Variants in EHMT2 observed in about 807,000 individuals in gnomAD.
EHMT2 encodes the protein euchromatic histone lysine methyltransferase 2.
EHMT2 carries 59 observed loss-of-function variants against 143.3 expected under a neutral mutation model. The ratio of observed to expected loss-of-function variants is 0.41; its 90% CI spans 0.33 to 0.51. The LOEUF is 0.51. EHMT2 is among the 20% of genes least tolerant of loss of function. The probability of loss-of-function intolerance (pLI) is 0.18; values close to 1 mark genes in which losing one functional copy is unlikely to be tolerated. For synonymous variants in EHMT2, 604 were observed against 651.5 expected, an observed-to-expected ratio of 0.93 and a Z score of 1.11; for missense variants, 1,174 against 1,645.9, an observed-to-expected ratio of 0.71 and a Z score of 4.96.
chr6:31,888,901 T>C lies in EHMT2; in HGVS notation c.1216+68A>G, dbSNP rs745928745. ...CACCCCGGCTCTGGCGTGGTTCCCCTCCTTCCCTTTCCCTCCTGCCCTGAG... is the reference window on the plus strand; with the variant it reads ...CACCCCGGCTCTGGCGTGGTTCCCCCCCTTCCCTTTCCCTCCTGCCCTGAG... On this transcript the variant is annotated intron_variant, in intron 10 of 27. Coordinates refer to ENST00000375537, the Ensembl canonical transcript of EHMT2. This position sits in a 1 kb window ranked among gnomAD's most constrained non-coding sequence, Gnocchi z 7.4. 31 of 1,505,004 alleles carry C rather than the reference T, an allele frequency of 2.1e-5. No homozygotes were observed. The South Asian group carries it at 3.6e-4, about 17-fold the overall frequency. The allele number at this position is 1,505,004 out of a possible 1,614,324, so 93.2% of individuals were successfully genotyped here. A position where few individuals can be genotyped will look rare whatever the true frequency, so the allele number is the denominator to read the frequency against.
intron 18 of EHMT2, chr6:31,886,086 CAA>C (rs35648327): frequency 6.7e-4 from 69 of 102,454 alleles, no homozygotes; most frequent in Admixed American, 1.3e-3. Flanking sequence ...GACTCCGTCT[CAA>C]AAAAAAAAAA....
chr6:31,884,432 C>A lies in EHMT2; in HGVS notation c.2731G>T (p.Val911Leu). 1 of 1,612,788 alleles carries A rather than the reference C, an allele frequency of 6.2e-7. No homozygotes were observed. Among genetic ancestry groups the A allele is most frequent in the Non-Finnish European group, 8.5e-7 (1 of 1,179,996 alleles). ...TCTGTGCGGATGGCCCGATTTCCCACCCCAAGTCGGAGCTTGCGGTTGAGT... is the reference window on the plus strand; with the variant it reads ...TCTGTGCGGATGGCCCGATTTCCCAACCCAAGTCGGAGCTTGCGGTTGAGT... The change falls in exon 21 of 28, where the codon GTG (valine) becomes TTG (leucine). Residue 911 changes from valine (V) to leucine (L), a missense_variant. Around this residue, in one of 6 missense-constraint regions of EHMT2, gnomAD observed 608 missense variants for 903.7 expected, o/e 0.67. Transcript: ENST00000375537. This position sits in a 1 kb window ranked among gnomAD's most constrained non-coding sequence, Gnocchi z 7.3.
In EHMT2 at chr6:31,889,819, T is replaced by G. The variant is rs986992907; in HGVS notation, c.865-217A>C. ...TACAGACAGCAATGTGCACAGATCT[T>G]GGTAATGTGATATTAAGTTAAAAAA... is the stretch of plus-strand genomic sequence containing the variant. On this transcript the variant is annotated intron_variant, in intron 7 of 27. Transcript: ENST00000375537. The surrounding 1 kb of genome is among the most constrained non-coding windows in gnomAD (Gnocchi z 5.1). Among the ~76,000 whole-genome samples, 1 of 152,118 alleles carries G rather than the reference T, an allele frequency of 6.6e-6. No individual in the cohort carries two copies. The highest frequency in any genetic ancestry group is 2.4e-5 in the African/African-American group (1 of 41,382).
Position 31,884,831 on chromosome 6 carries a change from C to T in EHMT2, c.2449-32G>A. The T allele has an allele frequency of 6.3e-7, 1 of 1,581,236 alleles. No homozygotes were observed. Among genetic ancestry groups the T allele is most frequent in the Non-Finnish European group, 8.6e-7 (1 of 1,159,128 alleles). ...AGGTAGGAGGGGAACAGATGAGGTG[C>T]AGGCAGCTGGGCCCTTGAATCCAGC... On this transcript the variant is annotated intron_variant, in intron 19 of 27. Coordinates refer to ENST00000375537, the Ensembl canonical transcript of EHMT2. This position sits in a 1 kb window ranked among gnomAD's most constrained non-coding sequence, Gnocchi z 7.3.
chr6:31,888,919 G>T lies in EHMT2; in HGVS notation c.1216+50C>A. 1.3e-6 allele frequency: 2 copies of T among 1,541,336 alleles called. No individual in the cohort carries two copies. The highest frequency in any genetic ancestry group is 1.8e-6 in the Non-Finnish European group (2 of 1,134,158). On this transcript the variant is annotated intron_variant, in intron 10 of 27. Transcript: ENST00000375537. The surrounding 1 kb of genome is among the most constrained non-coding windows in gnomAD (Gnocchi z 7.4). ...GTTCCCCTCCTTCCCTTTCCCTCCT[G>T]CCCTGAGGTCGCCCCCTAGTGGCTC...
Position 31,888,756 on chromosome 6 carries a change from G to C in EHMT2, c.1217-9C>G, listed in dbSNP as rs781086689. Reference sequence around the variant, plus strand: ...TGTGTCATTGGACACCCCTTGGATGGAGGAAAAGAGGAGCTGAGGGAGGCT... The same window carrying C: ...TGTGTCATTGGACACCCCTTGGATGCAGGAAAAGAGGAGCTGAGGGAGGCT... On this transcript the variant is annotated splice_polypyrimidine_tract_variant and intron_variant, in intron 10 of 27. Transcript: ENST00000375537. The surrounding 1 kb of genome is among the most constrained non-coding windows in gnomAD (Gnocchi z 7.4). The C allele has an allele frequency of 5.0e-6, 8 of 1,611,744 alleles. No homozygotes were observed. The highest frequency in any genetic ancestry group is 6.8e-6 in the Non-Finnish European group (8 of 1,179,864).
chr6:31,896,520 GA>G lies in EHMT2; in HGVS notation c.329-5del, dbSNP rs758841949. On this transcript the variant is annotated splice_region_variant and splice_polypyrimidine_tract_variant and intron_variant, in intron 3 of 27. Coordinates refer to ENST00000375537, the Ensembl canonical transcript of EHMT2. The stretch of plus-strand genomic sequence containing the variant: ...GGGAATGACTTTGTGGCATGGCCTA[GA>G]AAACAGGCAAGCAAAAGGCAAGATA... The G allele has an allele frequency of 4.3e-6, 7 of 1,612,250 alleles. No homozygotes were observed. The Admixed American group carries it at 5.0e-5, about 12-fold the overall frequency.
At position 31,881,214 on chromosome 6, in the gene EHMT2, A is replaced by T. The variant is rs747722503; in HGVS notation, c.3198-122T>A. ...TGGGCAGGGCTGGCAGGTGTGGGGA[A>T]GGGAAGGCCTGGAGCAGCAGTGGTG... On this transcript the variant is annotated intron_variant, in intron 25 of 27. Coordinates refer to ENST00000375537, the Ensembl canonical transcript of EHMT2. This position sits in a 1 kb window ranked among gnomAD's most constrained non-coding sequence, Gnocchi z 4.8. 27 of 861,844 alleles carry T rather than the reference A, an allele frequency of 3.1e-5. No homozygotes were observed. Among genetic ancestry groups the T allele is most frequent in the Non-Finnish European group, 4.7e-5 (24 of 515,974 alleles). The allele number at this position is 861,844 out of a possible 1,614,324, so 53.4% of individuals were successfully genotyped here. A position where few individuals can be genotyped will look rare whatever the true frequency, so the allele number is the denominator to read the frequency against.
Position 31,887,117 on chromosome 6 carries a change from G to C in EHMT2, c.2012-16C>G, listed in dbSNP as rs745548037. On this transcript the variant is annotated splice_polypyrimidine_tract_variant and intron_variant, in intron 15 of 27. Coordinates refer to ENST00000375537, the Ensembl canonical transcript of EHMT2. ...AGGTTGTCCACTGCGGGGAGAGCCCGCCACACCGGGAGAGGGAGGGACAAG... is the reference window on the plus strand; with the variant it reads ...AGGTTGTCCACTGCGGGGAGAGCCCCCCACACCGGGAGAGGGAGGGACAAG... 6.3e-7 allele frequency: 1 copy of C among 1,583,022 alleles called. No homozygotes were observed. Among genetic ancestry groups the C allele is most frequent in the East Asian group, 2.3e-5 (1 of 44,394 alleles).
chr6:31,890,556 A>G (rs1765551911), intron 7 of EHMT2, among the ~76,000 whole-genome samples: 1 of 148,190 alleles, frequency 6.7e-6, no homozygotes, highest in Non-Finnish European at 1.5e-5. Context: ...TGGGCCAAAA[A>G]ATTTTTTTTT....
At chr6:31,885,253 G>A (rs951996473) in intron 18 of EHMT2, 2 of 452,574 alleles carry the variant, frequency 4.4e-6, no homozygotes, top group African/African-American at 2.0e-5. Flanking sequence ...CGAGGCGGGC[G>A]GATCACGAGG....
rs938678577 is a variant in EHMT2, at chr6:31,879,956, G to C, written c.*128C>G. The C allele has an allele frequency of 3.6e-6, 4 of 1,101,060 alleles. No individual in the cohort carries two copies. The African/African-American group carries it at 4.6e-5, about 13-fold the overall frequency. The allele number at this position is 1,101,060 out of a possible 1,614,324, so 68.2% of individuals were successfully genotyped here. ...GGGCCTGGCTGGGATCTCTGGTCAG[G>C]AATGTGTGAAAGGGTGGTGGGGAGA... On this transcript the variant is annotated 3_prime_UTR_variant, in exon 28 of 28. Coordinates refer to ENST00000375537, the Ensembl canonical transcript of EHMT2.
chr6:31,887,888 C>T, exon 14 of EHMT2: 2 of 1,611,370 alleles, frequency 1.2e-6, no homozygotes, highest in Non-Finnish European at 1.7e-6. Context: ...AGGGAGGGCC[C>T]TGAGCTGTCA....
chr6:31,888,222 C>A lies in EHMT2; in HGVS notation c.1564G>T (p.Ala522Ser). ...ATCCCATTCAGCTGAGACACACAGG[C>A]CTTGTGGAAGCGGTGGGCCACACGG... is the stretch of plus-strand genomic sequence containing the variant. Residue 522 changes from alanine (A) to serine (S), a missense_variant, in exon 13 of 28, where the codon GCC (alanine) becomes TCC (serine). Transcript: ENST00000375537. The surrounding 1 kb of genome is among the most constrained non-coding windows in gnomAD (Gnocchi z 7.4). 6.2e-7 allele frequency: 1 copy of A among 1,613,012 alleles called. No individual in the cohort carries two copies.
In EHMT2 at chr6:31,884,238, G is replaced by T; in HGVS notation, c.2771+154C>A. The T allele has an allele frequency of 1.1e-6, 1 of 886,330 alleles. No individual in the cohort carries two copies. The allele number at this position is 886,330 out of a possible 1,614,324, so 54.9% of individuals were successfully genotyped here. A position where few individuals can be genotyped will look rare whatever the true frequency, so the allele number is the denominator to read the frequency against. ...CTTCTATTTTTATTTGCTGTATCTGGCAACCCTAGTGGGGAGGGGGCCTGT... is the reference window on the plus strand; with the variant it reads ...CTTCTATTTTTATTTGCTGTATCTGTCAACCCTAGTGGGGAGGGGGCCTGT... On this transcript the variant is annotated intron_variant, in intron 21 of 27. Coordinates refer to ENST00000375537, the Ensembl canonical transcript of EHMT2. The surrounding 1 kb of genome is among the most constrained non-coding windows in gnomAD (Gnocchi z 7.3).
At position 31,881,573 on chromosome 6, in the gene EHMT2, G is replaced by T; in HGVS notation, c.3198-481C>A. The T allele has an allele frequency of 4.9e-6, 1 of 205,418 alleles. No individual in the cohort carries two copies. Among genetic ancestry groups the T allele is most frequent in the Non-Finnish European group, 1.0e-5 (1 of 98,656 alleles). 12.7% of individuals were successfully genotyped at this position (205,418 alleles called of 1,614,324 possible). On this transcript the variant is annotated intron_variant, in intron 25 of 27. Coordinates refer to ENST00000375537, the Ensembl canonical transcript of EHMT2. This position sits in a 1 kb window ranked among gnomAD's most constrained non-coding sequence, Gnocchi z 4.8. ...CTATCTAAGGAGGGTGAGCAGACAT[G>T]GGAGATTCAGACACACGGAGAGGAC...
intron 7 of EHMT2, among the ~76,000 whole-genome samples, chr6:31,890,619 G>A (rs71543431): frequency 6.7e-6 from 1 of 150,006 alleles, no homozygotes; most frequent in South Asian, 2.2e-4. Context: ...TAATCCCAGC[G>A]CTTTGGGAGG....
In EHMT2 at chr6:31,889,089, G is replaced by C; in HGVS notation, c.1115-19C>G. 1 of 1,590,488 alleles carries C rather than the reference G, an allele frequency of 6.3e-7. No individual in the cohort carries two copies. The highest frequency in any genetic ancestry group is 8.6e-7 in the Non-Finnish European group (1 of 1,167,972). On this transcript the variant is annotated intron_variant, in intron 9 of 27. Coordinates refer to ENST00000375537, the Ensembl canonical transcript of EHMT2. The surrounding 1 kb of genome is among the most constrained non-coding windows in gnomAD (Gnocchi z 5.1). ...TTCACTCCTGACACAGAGACAGAGAGAGTGAGAGTGCGAGCTCACAGGTGC... is the reference window on the plus strand; with the variant it reads ...TTCACTCCTGACACAGAGACAGAGACAGTGAGAGTGCGAGCTCACAGGTGC...
Position 31,889,555 on chromosome 6 carries a change from C to T in EHMT2, c.912G>A (p.Glu304=). The stretch of plus-strand genomic sequence containing the variant: ...CCTCTTCTTCTTCTTCCTCCTCTTC[C>T]TCCTCCTCCTCTTCACTTAGTTGTT... Residue 304 remains glutamate, a synonymous_variant, in exon 8 of 28, where the codon GAG becomes GAA. Transcript: ENST00000375537. This position sits in a 1 kb window ranked among gnomAD's most constrained non-coding sequence, Gnocchi z 5.1. The T allele has an allele frequency of 1.2e-6, 2 of 1,607,228 alleles. No individual in the cohort carries two copies. Among genetic ancestry groups the T allele is most frequent in the African/African-American group, 1.3e-5 (1 of 74,908 alleles).
Sources: allele counts gnomAD v4.1 joint callset (sites outside exome capture counted in the v4.1 genomes callset), GRCh38; gene constraint gnomAD v4.1.1; regional missense constraint gnomAD v4.1.1; non-coding constraint Gnocchi (gnomAD v3.1); transcripts MANE v1.5; gene names NCBI Gene and HGNC (gene_info 2026-07-23, HGNC 2026-07-21).